ERAP1: variants seen among roughly 807,000 people sequenced by gnomAD.
ERAP1 encodes endoplasmic reticulum aminopeptidase 1, also known as adipocyte-derived leucine aminopeptidase.
A neutral mutation model predicts 103.7 loss-of-function variants in ERAP1; 86 were observed. That is an observed-to-expected ratio of 0.83 (90% CI 0.70 to 0.99). ERAP1 has a LOEUF of 0.99. Ranked by LOEUF, ERAP1 falls within the 50% of genes least tolerant of loss-of-function variation. The probability of loss-of-function intolerance (pLI) is 0.00; values close to 1 mark genes in which losing one functional copy is unlikely to be tolerated. For missense variants in ERAP1, 1,009 were observed against 1,128.4 expected, an observed-to-expected ratio of 0.89 and a Z score of 1.52; for synonymous variants, 398 against 402.4, an observed-to-expected ratio of 0.99 and a Z score of 0.13.
chr5:96,814,961 C>T, the ERAP1 span, among the ~76,000 whole-genome samples: 2 of 152,082 alleles, frequency 1.3e-5, no homozygotes, highest in Admixed American at 6.5e-5. Flanking sequence ...AGGCCTAACA[C>T]CAAATATTCT....
chr5:96,803,655 C>CT lies in ERAP1; in HGVS notation c.271dup (p.Ser91LysfsTer7). 6.2e-7 allele frequency: 1 copy of CT among 1,614,152 alleles called. No homozygotes were observed. Among genetic ancestry groups the CT allele is most frequent in the African/African-American group, 1.3e-5 (1 of 75,036 alleles). On this transcript the variant is annotated frameshift_variant, in exon 2 of 19. Transcript: ENST00000443439. LOFTEE classifies it high-confidence loss of function. ...GTGGTGACTATGCAGGATGATGGTG[C>CT]TGGTGGGCTGACTGGCTGTGATTTC...
At chr5:96,771,318 C>T (rs27373), downstream of ERAP1, among the ~76,000 whole-genome samples, 9,475 of 152,104 alleles carry the variant, frequency 0.062, 336 homozygotes, top group African/African-American at 0.1. Flanking sequence ...AGCCATGACC[C>T]TATGTACAGG....
chr5:96,829,566 G>A, the ERAP1 span, among the ~76,000 whole-genome samples: 7,945 of 152,182 alleles, frequency 0.052, 256 homozygotes, highest in South Asian at 0.11. Context: ...AGACATTGTC[G>A]TCCATAAGAA....
At chr5:96,877,420 G>A in the ERAP1 span, among the ~76,000 whole-genome samples, 2 of 108,796 alleles carry the variant, frequency 1.8e-5, no homozygotes, top group South Asian at 6.8e-4. Context: ...CTACAAGTGG[G>A]GGCGAGCTAC....
the ERAP1 span, among the ~76,000 whole-genome samples, chr5:96,825,349 T>C: frequency 6.6e-6 from 1 of 152,250 alleles, no homozygotes. Context: ...GAGAGCACAC[T>C]TTATATGATA....
At chr5:96,911,755 C>T in the ERAP1 span, among the ~76,000 whole-genome samples, 1 of 151,456 alleles carries the variant, frequency 6.6e-6, no homozygotes, top group South Asian at 2.1e-4. Flanking sequence ...TGCCTATAAT[C>T]ACAGCTGCTC....
intron 18 of ERAP1, 83 bp downstream of exon 18, chr5:96,780,340 C>T: frequency 9.8e-7 from 1 of 1,018,330 alleles, no homozygotes; most frequent in Non-Finnish European, 1.4e-6. Context: ...TCACCACACC[C>T]TCAAAGTATT....
the ERAP1 span, chr5:96,909,674 T>G: frequency 2.5e-6 from 4 of 1,614,226 alleles, no homozygotes; most frequent in Non-Finnish European, 3.4e-6. Flanking sequence ...TCGGCTCTCT[T>G]GAAGCTGGCC....
the ERAP1 span, chr5:96,886,638 C>T: frequency 6.7e-7 from 1 of 1,489,112 alleles, no homozygotes; most frequent in African/African-American, 1.4e-5. Context: ...ACTGATTATT[C>T]CTTTTCCTTT....
At chr5:96,851,966 C>T in the ERAP1 span, among the ~76,000 whole-genome samples, 1 of 152,260 alleles carries the variant, frequency 6.6e-6, no homozygotes, top group African/African-American at 2.4e-5. Context: ...AAGCAGCAAG[C>T]CGTCTGACAG....
At chr5:96,820,692 G>A in the ERAP1 span, among the ~76,000 whole-genome samples, 1 of 152,126 alleles carries the variant, frequency 6.6e-6, no homozygotes, top group South Asian at 2.1e-4. Context: ...TGATTAGTTA[G>A]TTGCCAGATT....
At position 96,790,375 on chromosome 5, in the gene ERAP1, C is replaced by T. The variant is rs1030503352; in HGVS notation, c.1453-8G>A. 6.2e-7 allele frequency: 1 copy of T among 1,613,894 alleles called. No individual in the cohort carries two copies. On this transcript the variant is annotated splice_polypyrimidine_tract_variant and splice_region_variant and intron_variant, in intron 9 of 18. Coordinates refer to ENST00000443439, the MANE Select transcript of ERAP1 (RefSeq NM_001040458.3). The stretch of plus-strand genomic sequence containing the variant: ...ACCATCTGTAGGGCAAATCTAAAAA[C>T]CAAAAATAAACACATCACTCTTATT...
chr5:96,905,415 T>A, the ERAP1 span, among the ~76,000 whole-genome samples: 33 of 152,362 alleles, frequency 2.2e-4, no homozygotes, highest in Non-Finnish European at 7.3e-5. Context: ...TGAGTCTAAT[T>A]TCTAGTTGTT....
chr5:96,862,880 CTT>C, the ERAP1 span, among the ~76,000 whole-genome samples: 1 of 152,144 alleles, frequency 6.6e-6, no homozygotes, highest in East Asian at 1.9e-4. Context: ...TCATTTTGAC[CTT>C]TCCTGTCCCC....
the ERAP1 span, chr5:96,901,625 G>A: frequency 1.9e-6 from 3 of 1,614,004 alleles, no homozygotes; most frequent in African/African-American, 4.0e-5. Flanking sequence ...TGCAACAGGA[G>A]CGCTTCCTCC....
chr5:96,872,993 A>T, the ERAP1 span, among the ~76,000 whole-genome samples: 1 of 152,140 alleles, frequency 6.6e-6, no homozygotes, highest in Non-Finnish European at 1.5e-5. Flanking sequence ...AGTTTGAGAC[A>T]GGCTGACCAA....
the ERAP1 span, among the ~76,000 whole-genome samples, chr5:96,901,168 T>TTCTG: frequency 5.7e-4 from 68 of 118,640 alleles, no homozygotes; most frequent in Non-Finnish European, 1.9e-4. Context: ...TATTTGAGGG[T>TTCTG]TTTGTTTGTT....
At position 96,774,997 on chromosome 5, in the gene ERAP1, G is replaced by A. The variant is rs989421563; in HGVS notation, c.*1399C>T. 11 of 985,408 alleles carry A rather than the reference G, an allele frequency of 1.1e-5. No individual in the cohort carries two copies. Among genetic ancestry groups the A allele is most frequent in the Non-Finnish European group, 9.6e-6 (8 of 829,936 alleles). The allele number at this position is 985,408 out of a possible 1,614,324, so 61.0% of individuals were successfully genotyped here. A position where few individuals can be genotyped will look rare whatever the true frequency, so the allele number is the denominator to read the frequency against. On this transcript the variant is annotated 3_prime_UTR_variant, in exon 19 of 19. Coordinates refer to ENST00000443439, the MANE Select transcript of ERAP1 (RefSeq NM_001040458.3). Reference sequence around the variant, plus strand: ...TTCAGTTTGAATTCTCCTTTGCCAGGTGTGAGGATTTCCGCACCTTAGAGT... The same window carrying A: ...TTCAGTTTGAATTCTCCTTTGCCAGATGTGAGGATTTCCGCACCTTAGAGT...
the ERAP1 span, among the ~76,000 whole-genome samples, chr5:96,843,483 G>A: frequency 6.6e-6 from 1 of 152,190 alleles, no homozygotes; most frequent in Non-Finnish European, 1.5e-5. Flanking sequence ...GGGGACCAGA[G>A]GTACTTTCAG....
Sources: allele counts gnomAD v4.1 joint callset (sites outside exome capture counted in the v4.1 genomes callset), GRCh38; gene constraint gnomAD v4.1.1; transcripts MANE v1.5; gene names NCBI Gene and HGNC (gene_info 2026-07-23, HGNC 2026-07-21).